The following ANKS1B variants were observed in gnomAD, a reference collection of about 807,000 sequenced individuals.
ANKS1B encodes ankyrin repeat and sterile alpha motif domain containing 1B.
In ANKS1B, 36 loss-of-function variants were observed where a neutral mutation model predicts 148.3. The ratio of observed to expected loss-of-function variants is 0.24; its 90% CI spans 0.19 to 0.32. The LOEUF (loss-of-function observed/expected upper bound fraction) is 0.32, where lower values mean the gene tolerates loss of function less well. Ranked by LOEUF, ANKS1B falls within the 10% of genes least tolerant of loss-of-function variation. ANKS1B has a pLI of 1.00. For missense variants in ANKS1B, 1,157 were observed against 1,542.6 expected (o/e 0.75, Z 4.19); for synonymous variants, 542 against 560.8 (o/e 0.97, Z 0.47).
chr12:99,799,050 T>G (rs2066609567), intron 4 of ANKS1B, among the ~76,000 whole-genome samples: 2 of 152,124 alleles, frequency 1.3e-5, no homozygotes, highest in African/African-American at 4.8e-5. Flanking sequence ...TCCGCTATCT[T>G]ACTTTTCTTT....
At chr12:98,905,077 AC>A (rs1372757190) in intron 17 of ANKS1B, among the ~76,000 whole-genome samples, 1 of 152,146 alleles carries the variant, frequency 6.6e-6, no homozygotes, top group Non-Finnish European at 1.5e-5. Flanking sequence ...ATTAACAACA[AC>A]CCAGAAGGCT....
At chr12:99,397,425 C>A (rs1269467050) in intron 12 of ANKS1B, among the ~76,000 whole-genome samples, 1 of 152,022 alleles carries the variant, frequency 6.6e-6, no homozygotes, top group Non-Finnish European at 1.5e-5. Flanking sequence ...CAGAGACCAA[C>A]CTATTGCAGC....
chr12:99,967,179 C>T (rs973272240), intron 1 of ANKS1B, among the ~76,000 whole-genome samples: 39 of 152,048 alleles, frequency 2.6e-4, no homozygotes, highest in African/African-American at 7.7e-4. Context: ...TTATTTATTG[C>T]ATAGATATTA....
rs1005585450 is a variant in ANKS1B at position 99,246,964 on chromosome 12, A to G, written c.1757-100T>C. On this transcript the variant is annotated intron_variant, in intron 12 of 26. Transcript: ENST00000683438. ...AACATGTGGGCTATCCAAACATTTC[A>G]TTTACTGCTACATAGCAATACCTTC... is the stretch of plus-strand genomic sequence containing the variant. 4.5e-6 allele frequency: 4 copies of G among 890,918 alleles called. No individual in the cohort carries two copies. In the African/African-American group the frequency reaches 6.7e-5, roughly 15 times the overall value. 55.2% of individuals were successfully genotyped at this position (890,918 alleles called of 1,614,324 possible). A position where few individuals can be genotyped will look rare whatever the true frequency, so the allele number is the denominator to read the frequency against.
intron 8 of ANKS1B, among the ~76,000 whole-genome samples, chr12:99,686,000 G>T (rs2098647507): frequency 6.6e-6 from 1 of 152,020 alleles, no homozygotes; most frequent in Non-Finnish European, 1.5e-5. Context: ...GGGATTGAAA[G>T]ATAAAAGACT....
chr12:99,371,927 T>C (rs1430285065), intron 12 of ANKS1B, among the ~76,000 whole-genome samples: 2 of 152,148 alleles, frequency 1.3e-5, no homozygotes, highest in Non-Finnish European at 2.9e-5. Context: ...TTAACTACGT[T>C]AGTAAATGAC....
chr12:99,825,317 A>G lies in ANKS1B; in HGVS notation c.207T>C (p.Asn69=). The change falls in exon 2 of 27, where the codon AAT becomes AAC. Residue 69 remains asparagine, a synonymous_variant. Coordinates refer to ENST00000683438, the MANE Select transcript of ANKS1B (RefSeq NM_001352186.2). ...GYTALHHAAL[N]GHKDIVLKLL... is the part of the protein sequence containing the mutation. ...AAATAAGTGGCACTTACTTATGTCCATTTAAGGCTGCGTGGTGTAAAGCAG... is the reference window on the plus strand; with the variant it reads ...AAATAAGTGGCACTTACTTATGTCCGTTTAAGGCTGCGTGGTGTAAAGCAG... 6.2e-7 allele frequency: 1 copy of G among 1,612,470 alleles called. No individual in the cohort carries two copies. The highest frequency in any genetic ancestry group is 8.5e-7 in the Non-Finnish European group (1 of 1,179,196).
chr12:99,246,511 T>C lies in ANKS1B; in HGVS notation c.2110A>G (p.Met704Val), dbSNP rs752683437. The C allele has an allele frequency of 1.9e-6, 3 of 1,613,934 alleles. No individual in the cohort carries two copies. The highest frequency in any genetic ancestry group is 2.2e-5 in the East Asian group (1 of 44,866). The change falls in exon 13 of 27, where the codon ATG becomes GTG. Residue 704 changes from methionine to valine, a missense_variant. By Grantham distance (21) the Met-to-Val change is conservative. Transcript: ENST00000683438. ...CTCTCCACAAATCCCCCTGCGTTCA[T>C]AACCCACTGGTCCCCATTCCGAGAT... is the stretch of plus-strand genomic sequence containing the variant. ...SGSRNGDQWV[M>V]NAGGFVERAC...
chr12:99,733,371 A>T (rs1047635289), intron 8 of ANKS1B, among the ~76,000 whole-genome samples: 15 of 152,220 alleles, frequency 9.9e-5, no homozygotes, highest in Non-Finnish European at 1.9e-4. Context: ...GAACTACAGC[A>T]TAAAGCAGAG....
chr12:99,386,050 G>A (rs1022956231), intron 12 of ANKS1B, among the ~76,000 whole-genome samples: 6 of 152,064 alleles, frequency 3.9e-5, no homozygotes, highest in Admixed American at 6.5e-5. Flanking sequence ...CTGATTATCC[G>A]AGTTAATAAA....
chr12:99,281,603 C>G (rs1389380650), intron 12 of ANKS1B, among the ~76,000 whole-genome samples: 1 of 152,094 alleles, frequency 6.6e-6, no homozygotes, highest in African/African-American at 2.4e-5. Context: ...CACCAGCATA[C>G]TTTTATTATT....
At chr12:98,781,315 C>CA (rs754905473) in intron 23 of ANKS1B, 112 bp from the exon 24 acceptor site, 496 of 180,924 alleles carry the variant, frequency 2.7e-3, no homozygotes, top group East Asian at 7.6e-3. Context: ...ACAACAACAA[C>CA]ACACACACAC....
At chr12:99,516,444 A>G (rs1418697208) in intron 9 of ANKS1B, among the ~76,000 whole-genome samples, 1 of 152,140 alleles carries the variant, frequency 6.6e-6, no homozygotes, top group Admixed American at 6.6e-5. Context: ...TTGCCGGGAC[A>G]TAGATGAAGC....
intron 15 of ANKS1B, among the ~76,000 whole-genome samples, chr12:99,127,640 C>T (rs952387325): frequency 2.6e-5 from 4 of 152,160 alleles, no homozygotes; most frequent in Admixed American, 1.3e-4. Context: ...ATAAGGAGTG[C>T]CTTAGAAACT....
At chr12:99,801,007 G>T (rs539804219) in intron 4 of ANKS1B, among the ~76,000 whole-genome samples, 39 of 152,258 alleles carry the variant, frequency 2.6e-4, no homozygotes, top group African/African-American at 8.9e-4. Flanking sequence ...ATAGGGACAC[G>T]ATAGATTACA....
intron 12 of ANKS1B, among the ~76,000 whole-genome samples, chr12:99,343,552 C>T (rs567302229): frequency 2.6e-5 from 4 of 152,054 alleles, no homozygotes; most frequent in African/African-American, 9.6e-5. Flanking sequence ...AATTATTGCT[C>T]TCCTCTCAGC....
chr12:98,862,793 G>A (rs1595752324), intron 17 of ANKS1B, among the ~76,000 whole-genome samples: 2 of 152,116 alleles, frequency 1.3e-5, no homozygotes, highest in Non-Finnish European at 2.9e-5. Context: ...AGCTGTTCAG[G>A]ACAATCTTGC....
chr12:99,972,253 G>T (rs2095568587), intron 1 of ANKS1B, among the ~76,000 whole-genome samples: 1 of 152,170 alleles, frequency 6.6e-6, no homozygotes, highest in Non-Finnish European at 1.5e-5. Flanking sequence ...TAAACGAAAA[G>T]CTAGAAATGA....
chr12:99,222,108 G>A (rs199905022), intron 14 of ANKS1B, among the ~76,000 whole-genome samples: 2 of 152,040 alleles, frequency 1.3e-5, no homozygotes, highest in East Asian at 3.9e-4. Context: ...TGTAGAGTAT[G>A]CTACCATTTT....
Sources: gnomAD v4.1 joint callset for allele counts (sites outside exome capture counted in the v4.1 genomes callset) on GRCh38, gnomAD v4.1.1 for gene constraint, MANE v1.5 for transcripts, NCBI Gene and HGNC (gene_info 2026-07-23, HGNC 2026-07-21) for gene names.